Variants in RUBCNL observed in about 807,000 individuals in gnomAD.
The protein encoded by RUBCNL is rubicon like autophagy enhancer.
RUBCNL carries 62 observed loss-of-function variants against 69.5 expected under a neutral mutation model. The ratio of observed to expected loss-of-function variants is 0.89; its 90% confidence interval spans 0.73 to 1.10. RUBCNL has a LOEUF of 1.10. Among genes scored for constraint, RUBCNL ranks in the 50% least tolerant of loss-of-function variants. RUBCNL has a pLI of 0.00. For missense variants in RUBCNL, 768 were observed against 798.1 expected (o/e 0.96, Z 0.45); for synonymous variants, 291 against 303.6 (o/e 0.96, Z 0.43).
chr13:46,388,901 A>G (rs938121829), upstream of RUBCNL, among the ~76,000 whole-genome samples: 1 of 152,218 alleles, frequency 6.6e-6, no homozygotes, highest in African/African-American at 2.4e-5. Flanking sequence ...TCAGATGAAT[A>G]CTAGCTGCCA....
At position 46,338,709 on chromosome 13, in the gene RUBCNL, AG is replaced by A. The variant is rs2048120387; in HGVS notation, c.*4675del. On this transcript the variant is annotated 3_prime_UTR_variant, in exon 15 of 15. Transcript: ENST00000429979. Reference sequence around the variant, plus strand: ...CAGGAACACGGCAGGACTAGAAAAGAGGGGGCAGCCCTGGGGAGAAAGAAGC... The same window carrying A: ...CAGGAACACGGCAGGACTAGAAAAGAGGGGCAGCCCTGGGGAGAAAGAAGC... Among the ~76,000 whole-genome samples, 1 of 152,016 alleles carries A rather than the reference AG, an allele frequency of 6.6e-6. No individual in the cohort carries two copies. Among genetic ancestry groups the A allele is most frequent in the African/African-American group, 2.4e-5 (1 of 41,368 alleles).
chr13:46,345,686 C>T (rs866663813), intron 12 of RUBCNL, 86 bp from the exon 13 acceptor site: 2 of 1,341,282 alleles, frequency 1.5e-6, no homozygotes, highest in Non-Finnish European at 1.0e-6. Flanking sequence ...TCTCTTGGCA[C>T]TCACACTTAA....
intron 10 of RUBCNL, 51 bp from the exon 11 acceptor site, chr13:46,350,402 C>G: frequency 2.3e-6 from 3 of 1,302,836 alleles, no homozygotes; most frequent in Non-Finnish European, 3.2e-6. Flanking sequence ...GAAAACCTAT[C>G]CTGGTATACC....
In RUBCNL at chr13:46,335,260, G is replaced by GTT. The variant is rs764458781; in HGVS notation, c.*8123_*8124dup. On this transcript the variant is annotated 3_prime_UTR_variant, in exon 15 of 15. Transcript: ENST00000429979. ...GTGTCTTTTTGTTGTTGTTGTTGTT[G>GTT]TTTTTTTTTTTTTTTTTTTTTTTTT... Among the ~76,000 whole-genome samples, 1,011 of 101,822 alleles carry GTT rather than the reference G, an allele frequency of 9.9e-3. 15 individuals carry two copies. Among genetic ancestry groups the GTT allele is most frequent in the Non-Finnish European group, 0.015 (815 of 53,414 alleles). 66.8% of individuals were successfully genotyped at this position (101,822 alleles called of 152,430 possible). A position where few individuals can be genotyped will look rare whatever the true frequency, so the allele number is the denominator to read the frequency against.
intron 5 of RUBCNL, among the ~76,000 whole-genome samples, chr13:46,367,010 T>C (rs2048771758): frequency 6.6e-6 from 1 of 152,056 alleles, no homozygotes; most frequent in Non-Finnish European, 1.5e-5. Flanking sequence ...TGAAGGTGTA[T>C]AGTAGGTTAA....
At chr13:46,382,890 C>T (rs2049151566) in intron 1 of RUBCNL, among the ~76,000 whole-genome samples, 1 of 152,182 alleles carries the variant, frequency 6.6e-6, no homozygotes, top group South Asian at 2.1e-4. Flanking sequence ...CCAAGATTTA[C>T]AGATGATAAA....
chr13:46,375,858 G>C (rs922917163), intron 2 of RUBCNL, among the ~76,000 whole-genome samples: 1 of 152,130 alleles, frequency 6.6e-6, no homozygotes, highest in Non-Finnish European at 1.5e-5. Context: ...TTTGAACTTT[G>C]TGGGTCCACT....
chr13:46,360,529 C>G (rs2138742813), intron 8 of RUBCNL, among the ~76,000 whole-genome samples: 1 of 152,298 alleles, frequency 6.6e-6, no homozygotes, highest in East Asian at 1.9e-4. Flanking sequence ...TGCCCCTCCA[C>G]TTTTGCTGCA....
At position 46,361,562 on chromosome 13, in the gene RUBCNL, T is replaced by TC; in HGVS notation, c.997dup (p.Glu333GlyfsTer28). ...TAGTTCTGCAGAATTGAAGTCTGGC[T>TC]CATAAGTGACACTGAAATGTAAGAG... On this transcript the variant is annotated frameshift_variant, in exon 8 of 15. Transcript: ENST00000429979. LOFTEE classifies it high-confidence loss of function. 1.2e-6 allele frequency: 2 copies of TC among 1,600,970 alleles called. No individual in the cohort carries two copies. The highest frequency in any genetic ancestry group is 1.7e-6 in the Non-Finnish European group (2 of 1,173,254).
At chr13:46,368,581 G>T in intron 4 of RUBCNL, 152 bp downstream of exon 4, 1 of 860,844 alleles carries the variant, frequency 1.2e-6, no homozygotes, top group Non-Finnish European at 1.4e-6. Context: ...ACCCTTCTTA[G>T]CTTAGTGTTT....
chr13:46,351,951 C>A (rs2048378584), intron 10 of RUBCNL, among the ~76,000 whole-genome samples: 1 of 151,488 alleles, frequency 6.6e-6, no homozygotes, highest in South Asian at 2.1e-4. Flanking sequence ...GCCTCAGCCT[C>A]CCCGGTAGTT....
rs2138649843 is a variant in RUBCNL at position 46,336,666 on chromosome 13, G to A, written c.*6719C>T. ...AGGTGAAGACAATACAGTGACTACT[G>A]AATTTAGATATTGCTAGTGACCTTG... On this transcript the variant is annotated 3_prime_UTR_variant, in exon 15 of 15. Coordinates refer to ENST00000429979, the MANE Select transcript of RUBCNL (RefSeq NM_025113.5). 6.6e-6 allele frequency among the ~76,000 whole-genome samples: 1 copy of A among 152,194 alleles called. No individual in the cohort carries two copies. The highest frequency in any genetic ancestry group is 1.9e-4 in the East Asian group (1 of 5,182).
rs777977926 is a variant in RUBCNL, at chr13:46,335,347, T to C, written c.*8038A>G. ...ACAAACTCCTGGGCTCAAGTCATCCTCCTGCATTGGCCTCCCAAAGTGCTG... is the reference window on the plus strand; with the variant it reads ...ACAAACTCCTGGGCTCAAGTCATCCCCCTGCATTGGCCTCCCAAAGTGCTG... On this transcript the variant is annotated 3_prime_UTR_variant, in exon 15 of 15. Transcript: ENST00000429979. Among the ~76,000 whole-genome samples, 19 of 144,898 alleles carry C rather than the reference T, an allele frequency of 1.3e-4. No homozygotes were observed. Among genetic ancestry groups the C allele is most frequent in the Non-Finnish European group, 2.4e-4 (16 of 66,360 alleles).
intron 12 of RUBCNL, 110 bp downstream of exon 12, chr13:46,349,175 TC>T (rs1252108752): frequency 9.3e-6 from 8 of 857,622 alleles, no homozygotes; most frequent in Non-Finnish European, 1.2e-5. Flanking sequence ...AGCCATGAGG[TC>T]ATCACTGTGC....
At position 46,359,584 on chromosome 13, in the gene RUBCNL, A is replaced by T; in HGVS notation, c.1167T>A (p.Asn389Lys). ...CVRKDFESSM[N>K]VVQEIKFKSR... ...ACTTAAATTTAATTTCCTGTACTAC[A>T]TTCATACTGGATTCAAAGTCTTTTC... Residue 389 changes from asparagine to lysine, a missense_variant, in exon 9 of 15, where the codon AAT (asparagine) becomes AAA (lysine). Physicochemically the swap from Asn to Lys is moderately conservative, Grantham distance 94. Coordinates refer to ENST00000429979, the MANE Select transcript of RUBCNL (RefSeq NM_025113.5). 6.3e-7 allele frequency: 1 copy of T among 1,592,976 alleles called. No individual in the cohort carries two copies. Among genetic ancestry groups the T allele is most frequent in the African/African-American group, 1.3e-5 (1 of 74,770 alleles).
intron 3 of RUBCNL, among the ~76,000 whole-genome samples, chr13:46,371,181 T>C (rs2048867870): frequency 1.3e-5 from 2 of 152,238 alleles, no homozygotes; most frequent in Admixed American, 1.3e-4. Flanking sequence ...GCAGGCAGAC[T>C]GATGACTTTT....
At chr13:46,388,071 G>A (rs2138873081), upstream of RUBCNL, among the ~76,000 whole-genome samples, 1 of 151,990 alleles carries the variant, frequency 6.6e-6, no homozygotes, top group East Asian at 1.9e-4. Context: ...AATTAGCCGA[G>A]CGTGGTGGCG....
chr13:46,359,328 C>T (rs990466857), intron 9 of RUBCNL, among the ~76,000 whole-genome samples, 158 bp downstream of exon 9: 1 of 151,592 alleles, frequency 6.6e-6, no homozygotes, highest in Non-Finnish European at 1.5e-5. Flanking sequence ...AAAAAAAAAC[C>T]TAAGCCAGAA....
chr13:46,367,685 C>T (rs2048788020), intron 5 of RUBCNL, among the ~76,000 whole-genome samples: 1 of 152,142 alleles, frequency 6.6e-6, no homozygotes, highest in Non-Finnish European at 1.5e-5. Context: ...CTGCTGTCAA[C>T]TGGTCCAAAA....
Sources: allele counts gnomAD v4.1 joint callset (sites outside exome capture counted in the v4.1 genomes callset), GRCh38; gene constraint gnomAD v4.1.1; transcripts MANE v1.5; gene names NCBI Gene and HGNC (gene_info 2026-07-23, HGNC 2026-07-21).